ZNF474: variants seen among roughly 807,000 people sequenced by gnomAD.
ZNF474 encodes the protein zinc finger protein 474.
For synonymous variants in ZNF474, 192 were observed against 162.2 expected (o/e 1.18, Z -1.39); for missense variants, 511 against 433.8 (o/e 1.18, Z -1.58).
rs1258395293 is a variant in ZNF474, at chr5:122,153,037, T to C, written c.1047T>C (p.His349=). 3 of 1,614,134 alleles carry C rather than the reference T, an allele frequency of 1.9e-6. No individual in the cohort carries two copies. The highest frequency in any genetic ancestry group is 2.5e-6 in the Non-Finnish European group (3 of 1,180,006). ...AAPSVTDKVI[H]ATQDALGEPG... is the part of the protein sequence containing the mutation. ...CCAGTGTAACTGATAAGGTAATTCA[T>C]GCCACACAAGACGCATTAGGTGAAC... Residue 349 remains histidine, a synonymous_variant, in exon 2 of 2, where the codon CAT becomes CAC. Coordinates refer to ENST00000296600, the MANE Select transcript of ZNF474 (RefSeq NM_207317.3).
chr5:122,141,264 CT>C (rs1755837696), intron 1 of ZNF474, among the ~76,000 whole-genome samples: 1 of 146,050 alleles, frequency 6.8e-6, no homozygotes. Flanking sequence ...TATTCTCATG[CT>C]TCAGACACCC....
At chr5:122,141,762 G>A (rs1230085335) in intron 1 of ZNF474, among the ~76,000 whole-genome samples, 2 of 152,094 alleles carry the variant, frequency 1.3e-5, no homozygotes. Context: ...TCTTTCTTTT[G>A]GGGGCAGTAG....
At chr5:122,138,445 T>G (rs1561438412) in intron 1 of ZNF474, among the ~76,000 whole-genome samples, 1 of 152,322 alleles carries the variant, frequency 6.6e-6, no homozygotes, top group East Asian at 1.9e-4. Flanking sequence ...TTCTCCCAAG[T>G]TCAAAGATAT....
chr5:122,151,763 C>T lies in ZNF474; in HGVS notation c.-212-16C>T. On this transcript the variant is annotated splice_polypyrimidine_tract_variant and intron_variant, in intron 1 of 1. Transcript: ENST00000296600. ...TTTACATAATAACTTCTTATGTCTC[C>T]CACCCGCCTCCACAGATCTTGGAGA... 2.3e-6 allele frequency: 1 copy of T among 442,444 alleles called. No homozygotes were observed. Among genetic ancestry groups the T allele is most frequent in the South Asian group, 2.9e-5 (1 of 34,706 alleles). 27.4% of individuals were successfully genotyped at this position (442,444 alleles called of 1,614,324 possible). A position where few individuals can be genotyped will look rare whatever the true frequency, so the allele number is the denominator to read the frequency against.
intron 1 of ZNF474, among the ~76,000 whole-genome samples, chr5:122,142,667 T>A (rs892056676): frequency 6.6e-6 from 1 of 152,154 alleles, no homozygotes. Flanking sequence ...TTCTGAATCA[T>A]CAGTGAGCTC....
chr5:122,143,111 G>A (rs146315120), intron 1 of ZNF474, among the ~76,000 whole-genome samples: 1 of 152,252 alleles, frequency 6.6e-6, no homozygotes, highest in East Asian at 1.9e-4. Context: ...TCCTGGAGGT[G>A]GACAGAAATA....
intron 1 of ZNF474, among the ~76,000 whole-genome samples, chr5:122,143,189 T>C (rs1228421491): frequency 6.6e-6 from 1 of 152,174 alleles, no homozygotes; most frequent in Non-Finnish European, 1.5e-5. Flanking sequence ...CCGGATTCAG[T>C]GAGCCCATCT....
In ZNF474 at chr5:122,143,812, C is replaced by G. The variant is rs147811206; in HGVS notation, c.-212-7967C>G. Reference sequence around the variant, plus strand: ...TCTTTAAACTAATAATCTAACAATCCTCATCTGGGGAGTCATTTAATGGTG... The same window carrying G: ...TCTTTAAACTAATAATCTAACAATCGTCATCTGGGGAGTCATTTAATGGTG... On this transcript the variant is annotated intron_variant, in intron 1 of 1. Coordinates refer to ENST00000296600, the MANE Select transcript of ZNF474 (RefSeq NM_207317.3). Among the ~76,000 whole-genome samples the G allele has an allele frequency of 7.5e-3, 1,145 of 152,130 alleles. 9 individuals are homozygous for G. Among genetic ancestry groups the G allele is most frequent in the African/African-American group, 0.026 (1,095 of 41,508 alleles).
chr5:122,143,345 G>T (rs184517643), intron 1 of ZNF474, among the ~76,000 whole-genome samples: 1 of 152,046 alleles, frequency 6.6e-6, no homozygotes, highest in Non-Finnish European at 1.5e-5. Flanking sequence ...CAAAAGTGTC[G>T]CACCGAGTTC....
chr5:122,151,700 C>T (rs964572157), intron 1 of ZNF474, 79 bp from the exon 2 acceptor site: 1 of 182,746 alleles, frequency 5.5e-6, no homozygotes, highest in Admixed American at 6.1e-5. Flanking sequence ...CACAAAACAA[C>T]CTAAATGTGT....
At chr5:122,142,422 T>C (rs1050863930) in intron 1 of ZNF474, among the ~76,000 whole-genome samples, 1 of 152,196 alleles carries the variant, frequency 6.6e-6, no homozygotes, top group East Asian at 1.9e-4. Context: ...TTGAGAGTTA[T>C]TGGTCATGGA....
At chr5:122,135,931 T>TA (rs564608934) in intron 1 of ZNF474, among the ~76,000 whole-genome samples, 41 of 145,288 alleles carry the variant, frequency 2.8e-4, no homozygotes, top group East Asian at 4.0e-4. Context: ...ATGTGGGAGC[T>TA]AAAAAAAAAA....
At chr5:122,150,529 T>G (rs1345595386) in intron 1 of ZNF474, among the ~76,000 whole-genome samples, 1 of 152,138 alleles carries the variant, frequency 6.6e-6, no homozygotes, top group Non-Finnish European at 1.5e-5. Context: ...GTGTTTGCCG[T>G]GATGTAGAGG....
chr5:122,140,557 A>AT (rs1365050702), intron 1 of ZNF474, among the ~76,000 whole-genome samples: 1 of 152,244 alleles, frequency 6.6e-6, no homozygotes, highest in African/African-American at 2.4e-5. Context: ...GGCAAGATAT[A>AT]TTTTAAAAGA....
Position 122,152,280 on chromosome 5 carries a change from G to A in ZNF474, c.290G>A (p.Cys97Tyr), listed in dbSNP as rs776956245. Residue 97 changes from cysteine (C) to tyrosine (Y), a missense_variant, in exon 2 of 2, where the codon TGC (cysteine) becomes TAC (tyrosine). By Grantham distance (194) the Cys-to-Tyr change is radical. Coordinates refer to ENST00000296600, the MANE Select transcript of ZNF474 (RefSeq NM_207317.3). ...GCCCGCAGGCCTGGATTCCGGGTAT[G>A]CTATATCTGTGGCCGAGAATTTGGG... ...IPARRPGFRV[C>Y]YICGREFGSQ... 3 of 1,614,240 alleles carry A rather than the reference G, an allele frequency of 1.9e-6. No homozygotes were observed. Among genetic ancestry groups the A allele is most frequent in the Non-Finnish European group, 2.5e-6 (3 of 1,180,036 alleles).
intron 1 of ZNF474, among the ~76,000 whole-genome samples, chr5:122,142,663 A>G (rs1329429328): frequency 6.6e-6 from 1 of 152,140 alleles, no homozygotes; most frequent in Non-Finnish European, 1.5e-5. Flanking sequence ...AGGATTCTGA[A>G]TCATCAGTGA....
At chr5:122,131,846 A>G (rs568816709) in intron 1 of ZNF474, among the ~76,000 whole-genome samples, 1 of 152,086 alleles carries the variant, frequency 6.6e-6, no homozygotes, top group African/African-American at 2.4e-5. Context: ...TTTTCTTTTT[A>G]ATGTCTTTTT....
rs763163798 is a variant in ZNF474, at chr5:122,152,342, C to T, written c.352C>T (p.Gln118Ter). 2 of 1,614,192 alleles carry T rather than the reference C, an allele frequency of 1.2e-6. No individual in the cohort carries two copies. The highest frequency in any genetic ancestry group is 3.3e-5 in the Admixed American group (2 of 60,028). Residue 118 changes from glutamine (Q) to a stop codon, truncating the protein, a stop_gained, in exon 2 of 2, where the codon CAG becomes TAG. Coordinates refer to ENST00000296600, the MANE Select transcript of ZNF474 (RefSeq NM_207317.3). LOFTEE classifies it low-confidence loss of function (END_TRUNC). Reference protein sequence around the residue: ...SIAIHEPQCLQKWHIENSKLP... With the variant: ...SIAIHEPQCL ...TGCCATTCATGAACCCCAGTGCTTG[C>T]AGAAGTGGCATATTGAAAACAGCAA... is the stretch of plus-strand genomic sequence containing the variant.
At position 122,152,701 on chromosome 5, in the gene ZNF474, T is replaced by C. The variant is rs1756225562; in HGVS notation, c.711T>C (p.Pro237=). 1.2e-6 allele frequency: 2 copies of C among 1,614,190 alleles called. No individual in the cohort carries two copies. Among genetic ancestry groups the C allele is most frequent in the South Asian group, 1.1e-5 (1 of 91,080 alleles). The change falls in exon 2 of 2, where the codon CCT becomes CCC. Residue 237 remains proline, a synonymous_variant. Transcript: ENST00000296600. ...AGGAATTTGGCACCCTGTCCCTTCC[T>C]ATTCATGAGCCCAAATGCCTGGAAA... ...CGKEFGTLSL[P]IHEPKCLEKW...
Sources: allele counts gnomAD v4.1 joint callset (sites outside exome capture counted in the v4.1 genomes callset), GRCh38; gene constraint gnomAD v4.1.1; transcripts MANE v1.5; gene names NCBI Gene and HGNC (gene_info 2026-07-23, HGNC 2026-07-21).